Variants in FGF14 observed in about 807,000 individuals in gnomAD.
The protein encoded by FGF14 is fibroblast growth factor homologous factor 4.
A neutral mutation model predicts 25.5 loss-of-function variants in FGF14; 5 were observed. The observed-to-expected ratio is 0.20, with a 90% CI of 0.10 to 0.41. The LOEUF is 0.41. FGF14 is among the 10% of genes least tolerant of loss of function. FGF14 has a pLI of 1.00. For missense variants in FGF14, 222 were observed against 320.1 expected, an observed-to-expected ratio of 0.69 and a Z score of 2.34; for synonymous variants, 138 against 118.3, an observed-to-expected ratio of 1.17 and a Z score of -1.08.
At chr13:102,336,060 C>A (rs945969895) in intron 1 of FGF14, among the ~76,000 whole-genome samples, 7 of 152,080 alleles carry the variant, frequency 4.6e-5, no homozygotes, top group African/African-American at 1.7e-4. Flanking sequence ...CAATTAAGAA[C>A]CCTACATGGC....
At chr13:102,024,662 GTCTTT>G (rs944512352) in intron 1 of FGF14, among the ~76,000 whole-genome samples, 51 of 151,856 alleles carry the variant, frequency 3.4e-4, no homozygotes, top group Middle Eastern at 3.4e-3. Context: ...TGATTTTTGT[GTCTTT>G]TCTAAGAAAA....
At chr13:101,856,356 G>A (rs2044125452) in intron 3 of FGF14, among the ~76,000 whole-genome samples, 1 of 151,800 alleles carries the variant, frequency 6.6e-6, no homozygotes. Context: ...ACCATTAAAT[G>A]GGAGGTAGAG....
At chr13:102,048,920 A>C (rs1164358038) in intron 1 of FGF14, among the ~76,000 whole-genome samples, 2 of 152,210 alleles carry the variant, frequency 1.3e-5, no homozygotes, top group African/African-American at 4.8e-5. Context: ...TTAATTATTT[A>C]AATCGGAATA....
intron 3 of FGF14, among the ~76,000 whole-genome samples, chr13:101,759,744 T>A (rs1413592311): frequency 6.6e-6 from 1 of 152,154 alleles, no homozygotes; most frequent in Admixed American, 6.5e-5. Flanking sequence ...CACTTCTCAG[T>A]CCTTAAGATC....
intron 1 of FGF14, among the ~76,000 whole-genome samples, chr13:102,084,467 T>A (rs947118172): frequency 1.3e-5 from 2 of 152,324 alleles, no homozygotes; most frequent in South Asian, 4.1e-4. Context: ...AGACATTTTT[T>A]ATTCCATACT....
At chr13:102,068,586 A>G (rs1462058445) in intron 1 of FGF14, among the ~76,000 whole-genome samples, 1 of 152,210 alleles carries the variant, frequency 6.6e-6, no homozygotes, top group African/African-American at 2.4e-5. Context: ...CGGCCCTGCC[A>G]GCCCCGGGCA....
chr13:102,039,087 T>C (rs2041610093), intron 1 of FGF14, among the ~76,000 whole-genome samples: 1 of 152,134 alleles, frequency 6.6e-6, no homozygotes, highest in African/African-American at 2.4e-5. Flanking sequence ...CACAGCCAGG[T>C]CCCTTAGTGG....
intron 1 of FGF14, among the ~76,000 whole-genome samples, chr13:102,136,018 G>A (rs2046394467): frequency 1.3e-5 from 2 of 152,110 alleles, no homozygotes; most frequent in African/African-American, 2.4e-5. Flanking sequence ...ATATCTTGAT[G>A]CATTTGCTTG....
chr13:102,190,800 C>T (rs1330150719), intron 1 of FGF14, among the ~76,000 whole-genome samples: 1 of 152,090 alleles, frequency 6.6e-6, no homozygotes, highest in Admixed American at 6.5e-5. Flanking sequence ...AGAACTCTGT[C>T]AACTAACCAA....
chr13:101,920,983 A>G (rs1594735765), upstream of FGF14, among the ~76,000 whole-genome samples: 1 of 152,082 alleles, frequency 6.6e-6, no homozygotes, highest in South Asian at 2.1e-4. Context: ...AGATGCTATG[A>G]TCCTTTTGGT....
intron 1 of FGF14, among the ~76,000 whole-genome samples, chr13:102,056,353 G>A: frequency 6.6e-6 from 1 of 152,158 alleles, no homozygotes; most frequent in East Asian, 1.9e-4. Context: ...TGTTTTCAAA[G>A]CAAAGGCTAC....
chr13:101,865,966 G>A (rs915845958), intron 3 of FGF14, among the ~76,000 whole-genome samples: 4 of 151,882 alleles, frequency 2.6e-5, no homozygotes, highest in Admixed American at 1.3e-4. Context: ...AGCTTGACTG[G>A]AGCTGTCATT....
At chr13:102,330,262 A>C (rs965961211) in intron 1 of FGF14, among the ~76,000 whole-genome samples, 1 of 152,170 alleles carries the variant, frequency 6.6e-6, no homozygotes, top group Admixed American at 6.5e-5. Flanking sequence ...CCACAAGTTC[A>C]TCTCTTCACC....
intron 1 of FGF14, among the ~76,000 whole-genome samples, chr13:102,103,608 G>T (rs1268016102): frequency 6.6e-6 from 1 of 152,106 alleles, no homozygotes; most frequent in Admixed American, 6.5e-5. Flanking sequence ...AACATCACAT[G>T]TAACTTGCTA....
intron 3 of FGF14, among the ~76,000 whole-genome samples, chr13:101,793,204 AT>A (rs2040337964): frequency 6.6e-6 from 1 of 152,130 alleles, no homozygotes; most frequent in East Asian, 1.9e-4. Context: ...GGTAACCACC[AT>A]CTACCCTCTG....
chr13:102,087,328 G>T (rs921407276), intron 1 of FGF14, among the ~76,000 whole-genome samples: 6 of 151,534 alleles, frequency 4.0e-5, no homozygotes, highest in African/African-American at 1.5e-4. Flanking sequence ...ACAATTTAAG[G>T]GTTTCCTAGC....
At chr13:102,296,153 A>G (rs2054699542) in intron 1 of FGF14, among the ~76,000 whole-genome samples, 1 of 152,162 alleles carries the variant, frequency 6.6e-6, no homozygotes, top group East Asian at 1.9e-4. Context: ...GGTAAAATGA[A>G]GTTGGTGTGA....
chr13:102,297,124 T>C (rs2054754115), intron 1 of FGF14, among the ~76,000 whole-genome samples: 1 of 152,204 alleles, frequency 6.6e-6, no homozygotes, highest in South Asian at 2.1e-4. Flanking sequence ...AACCTTCAAG[T>C]GATGGGAAAA....
intron 1 of FGF14, among the ~76,000 whole-genome samples, chr13:101,979,429 C>T (rs1423860450): frequency 2.0e-5 from 3 of 152,102 alleles, no homozygotes; most frequent in Admixed American, 1.3e-4. Flanking sequence ...ACTGAATTTC[C>T]CTTAACAAAC....
Sources: allele counts gnomAD v4.1 joint callset (sites outside exome capture counted in the v4.1 genomes callset), GRCh38; gene constraint gnomAD v4.1.1; transcripts MANE v1.5; gene names NCBI Gene and HGNC (gene_info 2026-07-23, HGNC 2026-07-21).